Variants in CADM2 observed in about 807,000 individuals in gnomAD.
The protein encoded by CADM2 is cell adhesion molecule 2, also known as immunoglobulin superfamily member 4D.
Under a neutral mutation model 49.8 loss-of-function variants are expected in CADM2, and 12 were observed. That is an observed-to-expected ratio of 0.24 (90% CI 0.15 to 0.39). The LOEUF (loss-of-function observed/expected upper bound fraction) is 0.39. Among genes scored for constraint, CADM2 ranks in the 10% least tolerant of loss-of-function variants. The pLI is 1.00. For missense variants in CADM2, 378 were observed against 492.3 expected (o/e 0.77, Z 2.20); for synonymous variants, 214 against 175.4 (o/e 1.22, Z -1.74).
chr3:85,326,023 T>C (rs192109077), intron 1 of CADM2, among the ~76,000 whole-genome samples: 1 of 152,324 alleles, frequency 6.6e-6, no homozygotes, highest in Admixed American at 6.5e-5. Flanking sequence ...AAATGTTTAT[T>C]ATGGAATCAA....
intron 3 of CADM2, among the ~76,000 whole-genome samples, chr3:85,819,795 G>T (rs932509190): frequency 5.3e-5 from 8 of 152,046 alleles, no homozygotes; most frequent in African/African-American, 1.9e-4. Context: ...CTAGGCGCTT[G>T]AGATTTATCA....
Position 84,987,173 on chromosome 3 carries a change from T to C in CADM2, c.61+27505T>C, listed in dbSNP as rs888029090. ...CAGGTTGTGGCTATGAGTATGTGTATGTGTAGCCTGGCCCAGGCTGGAGTG... is the reference window on the plus strand; with the variant it reads ...CAGGTTGTGGCTATGAGTATGTGTACGTGTAGCCTGGCCCAGGCTGGAGTG... On this transcript the variant is annotated intron_variant, in intron 1 of 9. Transcript: ENST00000383699. Among the ~76,000 whole-genome samples, 10 of 152,046 alleles carry C rather than the reference T, an allele frequency of 6.6e-5. No homozygotes were observed. The East Asian group carries it at 1.4e-3, about 21-fold the overall frequency.
At chr3:85,962,747 A>G (rs1724993216) in intron 8 of CADM2, among the ~76,000 whole-genome samples, 1 of 151,936 alleles carries the variant, frequency 6.6e-6, no homozygotes, top group Non-Finnish European at 1.5e-5. Context: ...CCATTAGCCA[A>G]TGTAAGATTT....
intron 1 of CADM2, among the ~76,000 whole-genome samples, chr3:84,967,066 A>G (rs973953398): frequency 7.9e-5 from 12 of 152,126 alleles, no homozygotes; most frequent in African/African-American, 2.9e-4. Flanking sequence ...GTTAATTTAC[A>G]GTAAGGATAC....
intron 3 of CADM2, among the ~76,000 whole-genome samples, chr3:85,830,413 T>C (rs977385589): frequency 4.6e-5 from 7 of 151,992 alleles, no homozygotes; most frequent in Admixed American, 2.0e-4. Context: ...CCTGATACAA[T>C]ATGGATATTG....
chr3:85,193,592 A>G (rs927648672), intron 1 of CADM2, among the ~76,000 whole-genome samples: 1 of 151,934 alleles, frequency 6.6e-6, no homozygotes, highest in Non-Finnish European at 1.5e-5. Flanking sequence ...CCCTCTATCC[A>G]TTGCTGCTTT....
At chr3:86,049,447 T>A (rs1737081343) in intron 8 of CADM2, among the ~76,000 whole-genome samples, 1 of 152,002 alleles carries the variant, frequency 6.6e-6, no homozygotes, top group African/African-American at 2.4e-5. Context: ...GCTAATTTTT[T>A]GTATTTTTAG....
At chr3:85,753,523 A>T (rs764576839) in intron 2 of CADM2, among the ~76,000 whole-genome samples, 8 of 149,778 alleles carry the variant, frequency 5.3e-5, no homozygotes, top group Non-Finnish European at 1.0e-4. Context: ...AAACACTGAC[A>T]TACACACACA....
At chr3:85,106,105 A>G (rs958044393) in intron 1 of CADM2, among the ~76,000 whole-genome samples, 4 of 152,000 alleles carry the variant, frequency 2.6e-5, no homozygotes, top group South Asian at 4.2e-4. Flanking sequence ...AAAATGAAAT[A>G]AAATAAAATA....
At chr3:85,359,666 A>ATATATATATATATATATTTTTTTTTTTT in intron 1 of CADM2, among the ~76,000 whole-genome samples, 2 of 26,556 alleles carry the variant, frequency 7.5e-5, no homozygotes, top group Non-Finnish European at 8.1e-5. Flanking sequence ...ATATATATAT[A>ATATATATATATATATATTTTTTTTTTTT]TTTTTTTTTT....
At chr3:85,538,575 G>A (rs1228443552) in intron 1 of CADM2, among the ~76,000 whole-genome samples, 1 of 152,078 alleles carries the variant, frequency 6.6e-6, no homozygotes. Flanking sequence ...GAGATGCTGG[G>A]AAACATTTCA....
chr3:85,105,522 G>A (rs1483562848), intron 1 of CADM2, among the ~76,000 whole-genome samples: 5 of 152,110 alleles, frequency 3.3e-5, no homozygotes, highest in African/African-American at 4.8e-5. Context: ...CAACCATTGT[G>A]GAAGTCAGTG....
intron 1 of CADM2, among the ~76,000 whole-genome samples, chr3:85,196,645 A>C (rs1044047998): frequency 6.6e-6 from 1 of 151,998 alleles, no homozygotes; most frequent in South Asian, 2.1e-4. Flanking sequence ...CTTGTTTTGC[A>C]TGATGATGGA....
intron 3 of CADM2, among the ~76,000 whole-genome samples, chr3:85,876,579 A>G (rs1326629684): frequency 6.6e-6 from 1 of 152,174 alleles, no homozygotes; most frequent in East Asian, 1.9e-4. Flanking sequence ...CTCACAATGG[A>G]ATATGATTTT....
intron 1 of CADM2, among the ~76,000 whole-genome samples, chr3:85,598,831 G>A (rs1263313324): frequency 7.2e-6 from 1 of 138,162 alleles, no homozygotes; most frequent in Non-Finnish European, 1.6e-5. Flanking sequence ...TGCATACCAT[G>A]CATATACTTA....
intron 1 of CADM2, among the ~76,000 whole-genome samples, chr3:85,353,766 C>A (rs1229383413): frequency 6.6e-6 from 1 of 151,870 alleles, no homozygotes; most frequent in African/African-American, 2.4e-5. Flanking sequence ...ATTCTTATTA[C>A]CGAAATCAAT....
At chr3:85,680,300 G>T (rs1039300040) in intron 1 of CADM2, among the ~76,000 whole-genome samples, 1 of 151,900 alleles carries the variant, frequency 6.6e-6, no homozygotes, top group African/African-American at 2.4e-5. Context: ...GAATCATTTT[G>T]GTCTGAATCG....
chr3:85,938,899 T>A (rs1012223166), intron 7 of CADM2, among the ~76,000 whole-genome samples: 5 of 152,050 alleles, frequency 3.3e-5, no homozygotes, highest in Non-Finnish European at 7.4e-5. Context: ...CTTGTAGCTG[T>A]CTTCAATAAT....
chr3:85,538,749 G>T (rs1178419147), intron 1 of CADM2, among the ~76,000 whole-genome samples: 1 of 151,988 alleles, frequency 6.6e-6, no homozygotes. Context: ...TTCTGTGGGA[G>T]ATTTGATTCT....
Sources: gnomAD v4.1 joint callset for allele counts (sites outside exome capture counted in the v4.1 genomes callset) on GRCh38, gnomAD v4.1.1 for gene constraint, MANE v1.5 for transcripts, NCBI Gene and HGNC (gene_info 2026-07-23, HGNC 2026-07-21) for gene names.